Variants in GMDS observed in about 807,000 individuals in gnomAD.
The protein encoded by GMDS is GDP-mannose 4,6-dehydratase.
Under a neutral mutation model 49.9 loss-of-function variants are expected in GMDS, and 20 were observed. The observed-to-expected ratio is 0.40, with a 90% confidence interval of 0.28 to 0.58. The LOEUF is 0.58. Ranked by LOEUF, GMDS falls within the 20% of genes least tolerant of loss-of-function variation. GMDS has a pLI of 0.42. For missense variants in GMDS, 362 were observed against 481.4 expected (o/e 0.75, Z 2.32); for synonymous variants, 177 against 178.6 (o/e 0.99, Z 0.07).
At chr6:1,825,968 A>G (rs140527783) in intron 7 of GMDS, among the ~76,000 whole-genome samples, 1,879 of 152,298 alleles carry the variant, frequency 0.012, 40 homozygotes, top group African/African-American at 0.041. Flanking sequence ...GTGAGCGGAG[A>G]TCACACCACT....
chr6:1,943,659 T>C (rs1561910748), intron 6 of GMDS, among the ~76,000 whole-genome samples: 1 of 152,238 alleles, frequency 6.6e-6, no homozygotes, highest in Non-Finnish European at 1.5e-5. Context: ...TACATTTATT[T>C]TTCAAGGACT....
chr6:2,239,075 T>A (rs1250026563), intron 1 of GMDS, among the ~76,000 whole-genome samples: 3 of 152,170 alleles, frequency 2.0e-5, no homozygotes, highest in Admixed American at 6.5e-5. Context: ...ACGCCTATAA[T>A]CCCAGCACTT....
chr6:1,967,784 G>C (rs1295136753), intron 4 of GMDS, among the ~76,000 whole-genome samples: 8 of 152,162 alleles, frequency 5.3e-5, no homozygotes, highest in Non-Finnish European at 1.2e-4. Flanking sequence ...GGAAATTTAA[G>C]TTCAAACATA....
At position 2,136,016 on chromosome 6, in the gene GMDS, A is replaced by C. The variant is rs545829326; in HGVS notation, c.103-11285T>G. ...TACCTAGGATATATGATATAGTCTT[A>C]TGGTGCCTAGGTTGCAACCTGTACA... On this transcript the variant is annotated intron_variant, in intron 1 of 10. Transcript: ENST00000380815. Among the ~76,000 whole-genome samples, 138 of 152,322 alleles carry C rather than the reference A, an allele frequency of 9.1e-4. 1 individual carries two copies. The highest frequency in any genetic ancestry group is 2.5e-3 in the African/African-American group (106 of 41,584).
rs1032930382 is a variant in GMDS at position 1,853,375 on chromosome 6, G to A, written c.771+76728C>T. Among the ~76,000 whole-genome samples, 21 of 150,524 alleles carry A rather than the reference G, an allele frequency of 1.4e-4. 1 individual carries two copies. In the South Asian group the frequency reaches 1.5e-3, roughly 10 times the overall value. The stretch of plus-strand genomic sequence containing the variant: ...CTACTAAAAATACAAAAAATTAGCC[G>A]GGCGTGGTAGCGGGCGCCTGTAGTC... On this transcript the variant is annotated intron_variant, in intron 7 of 10. Transcript: ENST00000380815.
chr6:1,889,853 G>C (rs937849013), intron 7 of GMDS, among the ~76,000 whole-genome samples: 1 of 152,088 alleles, frequency 6.6e-6, no homozygotes, highest in Non-Finnish European at 1.5e-5. Flanking sequence ...TCATATAAAT[G>C]GAATCATATA....
At chr6:2,048,821 G>A (rs1287668970) in intron 4 of GMDS, among the ~76,000 whole-genome samples, 1 of 152,042 alleles carries the variant, frequency 6.6e-6, no homozygotes, top group African/African-American at 2.4e-5. Context: ...TTATTCTATA[G>A]AAATACAACT....
intron 7 of GMDS, among the ~76,000 whole-genome samples, chr6:1,920,861 G>T (rs908589281): frequency 2.0e-5 from 3 of 152,128 alleles, no homozygotes; most frequent in African/African-American, 7.2e-5. Flanking sequence ...AAAGTGAATA[G>T]CTAACCTAAG....
intron 4 of GMDS, among the ~76,000 whole-genome samples, chr6:2,065,754 A>G (rs1201309896): frequency 6.6e-6 from 1 of 152,216 alleles, no homozygotes; most frequent in African/African-American, 2.4e-5. Context: ...AAAGCCTCCA[A>G]GAAATATGGG....
chr6:1,854,107 C>T (rs1199840576), intron 7 of GMDS, among the ~76,000 whole-genome samples: 1 of 152,184 alleles, frequency 6.6e-6, no homozygotes, highest in African/African-American at 2.4e-5. Flanking sequence ...AAAATTCACA[C>T]CCAGGCAAGA....
chr6:2,103,638 C>G (rs1366114720), intron 4 of GMDS, among the ~76,000 whole-genome samples: 1 of 152,156 alleles, frequency 6.6e-6, no homozygotes. Flanking sequence ...CAACTCACTT[C>G]CGAATCTCAG....
intron 9 of GMDS, among the ~76,000 whole-genome samples, chr6:1,684,832 G>A (rs1195394396): frequency 6.6e-6 from 1 of 152,040 alleles, no homozygotes; most frequent in Non-Finnish European, 1.5e-5. Context: ...TAAAGCTGGG[G>A]GTTAAACCGA....
At chr6:1,988,007 A>G (rs1005696690) in intron 4 of GMDS, among the ~76,000 whole-genome samples, 2 of 152,238 alleles carry the variant, frequency 1.3e-5, no homozygotes, top group South Asian at 2.1e-4. Context: ...AAATAATAAC[A>G]TAAGGAAAAC....
chr6:1,905,081 T>C (rs1311325313), intron 7 of GMDS, among the ~76,000 whole-genome samples: 2 of 152,172 alleles, frequency 1.3e-5, no homozygotes, highest in Non-Finnish European at 2.9e-5. Flanking sequence ...AGATCCAAAC[T>C]CCATCCCAGC....
chr6:1,976,206 G>A (rs1229303982), intron 4 of GMDS, among the ~76,000 whole-genome samples: 1 of 152,182 alleles, frequency 6.6e-6, no homozygotes, highest in East Asian at 1.9e-4. Context: ...CTTTGTTTAA[G>A]TCTGATTAAA....
At chr6:1,942,034 G>A (rs975329094) in intron 6 of GMDS, among the ~76,000 whole-genome samples, 7 of 152,138 alleles carry the variant, frequency 4.6e-5, no homozygotes, top group African/African-American at 7.2e-5. Context: ...GCTCTCCAGC[G>A]AGAGCTAAGC....
chr6:1,867,992 C>CT lies in GMDS; in HGVS notation c.771+62110dup, dbSNP rs951661239. ...CTGACTTTCCTTCTCAACAGCTGTT[C>CT]TTTTTTTTTTTTTCCCTGGAGTCTC... On this transcript the variant is annotated intron_variant, in intron 7 of 10. Coordinates refer to ENST00000380815, the MANE Select transcript of GMDS (RefSeq NM_001500.4). Among the ~76,000 whole-genome samples, 173 of 145,846 alleles carry CT rather than the reference C, an allele frequency of 1.2e-3. 2 individuals are homozygous for CT. The highest frequency in any genetic ancestry group is 3.7e-3 in the Middle Eastern group (1 of 272).
chr6:1,888,136 T>A (rs1339620265), intron 7 of GMDS, among the ~76,000 whole-genome samples: 4 of 96,008 alleles, frequency 4.2e-5, no homozygotes, highest in Non-Finnish European at 1.0e-4. Context: ...TTATTATTAT[T>A]TTTTTTTTTT....
intron 1 of GMDS, among the ~76,000 whole-genome samples, chr6:2,194,506 T>A (rs1779199237): frequency 6.6e-6 from 1 of 152,214 alleles, no homozygotes. Context: ...CTAAATTATA[T>A]CTTTAAGCAT....
Sources: allele counts gnomAD v4.1 joint callset (sites outside exome capture counted in the v4.1 genomes callset), GRCh38; gene constraint gnomAD v4.1.1; transcripts MANE v1.5; gene names NCBI Gene and HGNC (gene_info 2026-07-23, HGNC 2026-07-21).